The following TMEM230 variants were observed in gnomAD, a reference collection of about 807,000 sequenced individuals.
The protein encoded by TMEM230 is UPF0414 transmembrane protein C20orf30.
A neutral mutation model predicts 15.8 loss-of-function variants in TMEM230; 10 were observed. The observed-to-expected ratio is 0.63, with a 90% confidence interval of 0.39 to 1.07. The LOEUF (loss-of-function observed/expected upper bound fraction) is 1.07, where lower values mean the gene tolerates loss of function less well. Among genes scored for constraint, TMEM230 ranks in the 50% least tolerant of loss-of-function variants. The pLI, the probability that TMEM230 is intolerant of heterozygous loss-of-function variation, is 0.01. For synonymous variants in TMEM230, 67 were observed against 76.9 expected (o/e 0.87, Z 0.68); for missense variants, 165 against 193.3 (o/e 0.85, Z 0.87).
chr20:5,061,771 G>C, the TMEM230 span, among the ~76,000 whole-genome samples: 1 of 151,998 alleles, frequency 6.6e-6, no homozygotes, highest in Non-Finnish European at 1.5e-5. Context: ...GCTAAATAAA[G>C]TTCAACCAAA....
downstream of TMEM230, among the ~76,000 whole-genome samples, chr20:5,098,206 C>A (rs2089723679): frequency 6.6e-6 from 1 of 151,976 alleles, no homozygotes; most frequent in African/African-American, 2.4e-5. Context: ...AACTCCCAAA[C>A]TCAGGTGATC....
chr20:5,112,338 T>C (rs934047638), intron 1 of TMEM230, among the ~76,000 whole-genome samples: 13 of 152,240 alleles, frequency 8.5e-5, no homozygotes, highest in African/African-American at 2.9e-4. Flanking sequence ...GTTTTTAGTG[T>C]TGTGATCCCG....
chr20:5,081,965 T>G (rs1447400161), intron 3 of TMEM230, among the ~76,000 whole-genome samples: 1 of 146,100 alleles, frequency 6.8e-6, no homozygotes, highest in African/African-American at 2.6e-5. Context: ...CCTCTGCCTC[T>G]CGGGTTCAAG....
chr20:5,095,762 G>A (rs1436597096), downstream of TMEM230, among the ~76,000 whole-genome samples: 1 of 152,182 alleles, frequency 6.6e-6, no homozygotes, highest in Non-Finnish European at 1.5e-5. Context: ...TGCAGATACC[G>A]ATTTAGGAGA....
chr20:5,111,838 CT>C (rs368251336), intron 1 of TMEM230: 221 of 944,940 alleles, frequency 2.3e-4, no homozygotes, highest in Non-Finnish European at 2.4e-4. Flanking sequence ...AATTGTTTTT[CT>C]TTTTTTTTGG....
chr20:5,080,962 C>G (rs766170529), intron 3 of TMEM230, among the ~76,000 whole-genome samples: 27 of 152,198 alleles, frequency 1.8e-4, no homozygotes, highest in Non-Finnish European at 3.4e-4. Context: ...GAGTTAAGTA[C>G]AGATATTGAG....
intron 3 of TMEM230, among the ~76,000 whole-genome samples, chr20:5,077,076 C>A (rs1309457668): frequency 6.6e-6 from 1 of 151,462 alleles, no homozygotes; most frequent in African/African-American, 2.4e-5. Context: ...GAGGCCAAGG[C>A]AGGAGGATTG....
chr20:5,106,229 T>A lies in TMEM230; in HGVS notation c.370A>T (p.Ile124Phe). 2 of 1,613,884 alleles carry A rather than the reference T, an allele frequency of 1.2e-6. No individual in the cohort carries two copies. Among genetic ancestry groups the A allele is most frequent in the Non-Finnish European group, 1.7e-6 (2 of 1,179,958 alleles). The stretch of plus-strand genomic sequence containing the variant: ...CCTGACAGCAGGAGGGAGCCTATAA[T>A]AATGAGAAAGGCGCCAATCAAAAAC... The change falls in exon 4 of 5, where the codon ATT becomes TTT. Residue 124 changes from isoleucine (I) to phenylalanine (F), a missense_variant. By Grantham distance (21) the Ile-to-Phe change is conservative (BLOSUM62 0). Transcript: ENST00000342308.
chr20:5,096,768 C>G (rs6076775), downstream of TMEM230, among the ~76,000 whole-genome samples: 66,993 of 152,110 alleles, frequency 0.44, 17,170 homozygotes, highest in East Asian at 0.84. Context: ...TACTTGCCTA[C>G]CTATCCATAC....
chr20:5,090,401 A>C (rs987429226), intron 3 of TMEM230, among the ~76,000 whole-genome samples: 2 of 152,148 alleles, frequency 1.3e-5, no homozygotes, highest in Non-Finnish European at 2.9e-5. Context: ...AGGAACCAAG[A>C]ATCAGAAGTC....
At chr20:5,086,502 G>A (rs1205502208) in intron 3 of TMEM230, among the ~76,000 whole-genome samples, 2 of 133,996 alleles carry the variant, frequency 1.5e-5, no homozygotes, top group African/African-American at 5.7e-5. Context: ...TCACGCCACT[G>A]CACTCCAGCC....
chr20:5,097,717 C>T (rs980189194), downstream of TMEM230, among the ~76,000 whole-genome samples: 1 of 152,002 alleles, frequency 6.6e-6, no homozygotes, highest in Non-Finnish European at 1.5e-5. Flanking sequence ...CTCATTGCAA[C>T]CTCCACCTCC....
At chr20:5,069,072 G>C in exon 4 of TMEM230, 1 of 908,446 alleles carries the variant, frequency 1.1e-6, no homozygotes, top group Non-Finnish European at 1.6e-6. Flanking sequence ...GCTCTTAGTA[G>C]GAGAAGCTCT....
At chr20:5,106,109 A>G (rs1568504722) in intron 4 of TMEM230, 79 bp downstream of exon 3, 57 of 1,532,454 alleles carry the variant, frequency 3.7e-5, no homozygotes, top group Middle Eastern at 2.5e-4. Flanking sequence ...ACACACACAC[A>G]CACACACACA....
At position 5,107,187 on chromosome 20, in the gene TMEM230, G is replaced by A. The variant is rs115676582; in HGVS notation, c.289-877C>T. Among the ~76,000 whole-genome samples, 510 of 152,252 alleles carry A rather than the reference G, an allele frequency of 3.3e-3. 3 individuals carry two copies. Among genetic ancestry groups the A allele is most frequent in the African/African-American group, 0.011 (469 of 41,558 alleles). On this transcript the variant is annotated intron_variant, in intron 3 of 4. Coordinates refer to ENST00000342308, the MANE Select transcript of TMEM230 (RefSeq NM_001009923.2). ...CGTGGTGGCATGTGCCTGCAGTCCCGGCTACTTGGGACGCTAAGCTGGGAG... is the reference window on the plus strand; with the variant it reads ...CGTGGTGGCATGTGCCTGCAGTCCCAGCTACTTGGGACGCTAAGCTGGGAG...
chr20:5,086,308 C>T (rs7346841), intron 3 of TMEM230, among the ~76,000 whole-genome samples: 6,194 of 150,356 alleles, frequency 0.041, 390 homozygotes, highest in African/African-American at 0.14. Context: ...GAGGCTGAGG[C>T]GGGTGGATCA....
At chr20:5,069,997 A>C (rs980024406) in intron 3 of TMEM230, among the ~76,000 whole-genome samples, 3 of 152,204 alleles carry the variant, frequency 2.0e-5, no homozygotes, top group Non-Finnish European at 4.4e-5. Context: ...GGTGTGAGCC[A>C]CTGCGCCCAG....
At chr20:5,096,255 A>G (rs927833681), downstream of TMEM230, among the ~76,000 whole-genome samples, 2 of 152,178 alleles carry the variant, frequency 1.3e-5, no homozygotes, top group Non-Finnish European at 2.9e-5. Context: ...GATCCTCTTT[A>G]CTTTCTCAAA....
At chr20:5,060,660 G>A in the TMEM230 span, among the ~76,000 whole-genome samples, 1 of 151,986 alleles carries the variant, frequency 6.6e-6, no homozygotes, top group Admixed American at 6.6e-5. Context: ...TTTGTGTCTT[G>A]TCTTTCTCAG....
Sources: allele counts gnomAD v4.1 joint callset (sites outside exome capture counted in the v4.1 genomes callset), GRCh38; gene constraint gnomAD v4.1.1; transcripts MANE v1.5; gene names NCBI Gene and HGNC (gene_info 2026-07-23, HGNC 2026-07-21).